EYS: variants seen among roughly 807,000 people sequenced by gnomAD.
EYS encodes the protein protein eyes shut homolog.
In EYS, 250 loss-of-function variants were observed where a neutral mutation model predicts 282.1. The observed-to-expected ratio is 0.89, with a 90% CI of 0.80 to 0.98. The LOEUF (loss-of-function observed/expected upper bound fraction) is 0.98. EYS is among the 50% of genes least tolerant of loss of function. EYS has a pLI of 0.00. For missense variants in EYS, 4,016 were observed against 3,709.0 expected, an observed-to-expected ratio of 1.08 and a Z score of -2.15; for synonymous variants, 1,355 against 1,282.9, an observed-to-expected ratio of 1.06 and a Z score of -1.20.
chr6:64,591,423 C>T lies in EYS; in HGVS notation c.4444G>A (p.Glu1482Lys), dbSNP rs1022693876. ...GAGGGGCTGAGCAATCTCCAGTGCT[C>T]TCTTCTTGAAATTAAAGAATCAGCT... The part of the protein sequence containing the change: ...YSADSLISRR[E>K]HWRLLSPSMS... Residue 1482 changes from glutamate to lysine, a missense_variant, in exon 26 of 43, where the codon GAG becomes AAG. Coordinates refer to ENST00000503581, the MANE Select transcript of EYS (RefSeq NM_001142800.2). 2.4e-5 allele frequency: 38 copies of T among 1,551,202 alleles called. No individual in the cohort carries two copies. Among genetic ancestry groups the T allele is most frequent in the African/African-American group, 4.1e-5 (3 of 72,982 alleles).
intron 29 of EYS, among the ~76,000 whole-genome samples, chr6:64,322,719 C>G (rs921697133): frequency 2.6e-5 from 4 of 152,054 alleles, no homozygotes; most frequent in Non-Finnish European, 4.4e-5. Context: ...ACATTTGAAG[C>G]TATGTTTCTA....
chr6:64,424,997 G>GA (rs1164756026), intron 28 of EYS, among the ~76,000 whole-genome samples: 1 of 152,090 alleles, frequency 6.6e-6, no homozygotes, highest in Non-Finnish European at 1.5e-5. Flanking sequence ...GAACAGAAGA[G>GA]AAAAATACTG....
At chr6:63,885,777 C>T (rs958296995) in intron 35 of EYS, among the ~76,000 whole-genome samples, 2 of 152,086 alleles carry the variant, frequency 1.3e-5, no homozygotes, top group African/African-American at 2.4e-5. Context: ...CCATAATATT[C>T]CCTTTGCAAG....
At chr6:65,180,207 G>A (rs546301277) in intron 12 of EYS, among the ~76,000 whole-genome samples, 2 of 152,044 alleles carry the variant, frequency 1.3e-5, no homozygotes, top group East Asian at 3.9e-4. Flanking sequence ...TCTGGCCAGG[G>A]AAGTCAGGCA....
At chr6:64,338,610 CTT>C (rs1770957317) in intron 29 of EYS, among the ~76,000 whole-genome samples, 1 of 151,688 alleles carries the variant, frequency 6.6e-6, no homozygotes, top group Non-Finnish European at 1.5e-5. Context: ...ACCACCATCA[CTT>C]AACATAATTT....
At chr6:64,323,465 C>A (rs1428768427) in intron 29 of EYS, among the ~76,000 whole-genome samples, 1 of 152,062 alleles carries the variant, frequency 6.6e-6, no homozygotes, top group Non-Finnish European at 1.5e-5. Context: ...AGTGTGAATA[C>A]TCCTGCTATG....
chr6:65,589,480 A>G (rs955245609), intron 2 of EYS, among the ~76,000 whole-genome samples: 3 of 152,000 alleles, frequency 2.0e-5, no homozygotes, highest in Non-Finnish European at 4.4e-5. Flanking sequence ...AAGTACACAC[A>G]CTTGTACACA....
At chr6:65,658,186 G>A (rs960446710) in intron 1 of EYS, among the ~76,000 whole-genome samples, 4 of 151,590 alleles carry the variant, frequency 2.6e-5, no homozygotes, top group African/African-American at 9.7e-5. Context: ...AGGTATGCCT[G>A]TATTATCAAA....
intron 19 of EYS, among the ~76,000 whole-genome samples, chr6:64,852,177 T>C (rs888326830): frequency 1.3e-5 from 2 of 152,020 alleles, no homozygotes; most frequent in East Asian, 1.9e-4. Flanking sequence ...CTTGATTGGA[T>C]TGAAGGATGC....
chr6:65,680,086 TCACACACACA>T (rs10650454), intron 1 of EYS, among the ~76,000 whole-genome samples: 16 of 147,390 alleles, frequency 1.1e-4, no homozygotes, highest in Non-Finnish European at 1.8e-4. Context: ...TCCTAAATTT[TCACACACACA>T]CACACACACA....
chr6:63,795,867 A>G (rs182989896), intron 37 of EYS, among the ~76,000 whole-genome samples: 22 of 152,284 alleles, frequency 1.4e-4, no homozygotes, highest in Admixed American at 8.5e-4. Flanking sequence ...AAACATAACA[A>G]GGAGAGAAAA....
At chr6:64,495,377 T>C (rs926831616) in intron 26 of EYS, among the ~76,000 whole-genome samples, 1 of 151,780 alleles carries the variant, frequency 6.6e-6, no homozygotes, top group African/African-American at 2.4e-5. Flanking sequence ...ACTTGGAAGA[T>C]GACAATAACT....
chr6:64,338,360 G>A (rs921497472), intron 29 of EYS, among the ~76,000 whole-genome samples: 2 of 151,328 alleles, frequency 1.3e-5, no homozygotes, highest in African/African-American at 4.9e-5. Context: ...ATCAAATCAA[G>A]AAGTCTACCC....
At chr6:64,331,215 A>C (rs1012977780) in intron 29 of EYS, among the ~76,000 whole-genome samples, 1 of 152,178 alleles carries the variant, frequency 6.6e-6, no homozygotes. Flanking sequence ...TGCCATTTGC[A>C]TGCCCATGGA....
intron 22 of EYS, among the ~76,000 whole-genome samples, chr6:64,742,234 C>A (rs528115141): frequency 6.6e-6 from 1 of 152,016 alleles, no homozygotes; most frequent in South Asian, 2.1e-4. Flanking sequence ...TAAAGAAGAG[C>A]GAGTTTGTGG....
rs373820254 is a variant in EYS at position 65,638,402 on chromosome 6, T to TC, written c.-333+1375dup. Among the ~76,000 whole-genome samples, 365 of 151,796 alleles carry TC rather than the reference T, an allele frequency of 2.4e-3. 2 individuals are homozygous for TC. Among genetic ancestry groups the TC allele is most frequent in the African/African-American group, 8.7e-3 (360 of 41,404 alleles). Reference sequence around the variant, plus strand: ...GCTGTAACACAAACAGGGCTGAAACTCCCCCCGATCGCCATGCTGTGGGCG... The same window carrying TC: ...GCTGTAACACAAACAGGGCTGAAACTCCCCCCCGATCGCCATGCTGTGGGCG... On this transcript the variant is annotated intron_variant, in intron 2 of 42. Transcript: ENST00000503581.
At chr6:64,295,062 G>A (rs1354575195) in intron 30 of EYS, among the ~76,000 whole-genome samples, 2 of 151,638 alleles carry the variant, frequency 1.3e-5, no homozygotes, top group African/African-American at 2.4e-5. Context: ...GGGTTATTGG[G>A]TAGACATTTT....
At chr6:63,918,457 T>C (rs1032394015) in intron 35 of EYS, among the ~76,000 whole-genome samples, 2 of 152,182 alleles carry the variant, frequency 1.3e-5, no homozygotes, top group Admixed American at 1.3e-4. Context: ...CCCTGTAACA[T>C]AGACATTGTG....
chr6:64,925,250 C>G (rs1347837006), intron 15 of EYS, among the ~76,000 whole-genome samples: 1 of 152,170 alleles, frequency 6.6e-6, no homozygotes, highest in Non-Finnish European at 1.5e-5. Flanking sequence ...ATCACTATCA[C>G]AAGAATAGTG....
Sources: gnomAD v4.1 joint callset for allele counts (sites outside exome capture counted in the v4.1 genomes callset) on GRCh38, gnomAD v4.1.1 for gene constraint, MANE v1.5 for transcripts, NCBI Gene and HGNC (gene_info 2026-07-23, HGNC 2026-07-21) for gene names.